The following CSMD2 variants were observed in gnomAD, a reference collection of about 807,000 sequenced individuals.
CSMD2 encodes the protein CUB and sushi domain-containing protein 2.
In CSMD2, 130 loss-of-function variants were observed where a neutral mutation model predicts 398.5. The observed-to-expected ratio is 0.33, with a 90% confidence interval of 0.28 to 0.38. CSMD2 has a LOEUF of 0.38. Among genes scored for constraint, CSMD2 ranks in the 10% least tolerant of loss-of-function variants. The pLI is 1.00. For synonymous variants in CSMD2, 1,828 were observed against 1,908.5 expected (o/e 0.96, Z 1.10); for missense variants, 3,829 against 4,764.9 (o/e 0.80, Z 5.78).
At chr1:33,523,239 C>A in intron 67 of CSMD2, 68 bp downstream of exon 67, 1 of 804,252 alleles carries the variant, frequency 1.2e-6, no homozygotes, top group Non-Finnish European at 2.1e-6. Flanking sequence ...GTTTGCACAC[C>A]CTTTTGTCCT....
chr1:33,975,344 T>C (rs1296094423), intron 3 of CSMD2, among the ~76,000 whole-genome samples: 1 of 151,932 alleles, frequency 6.6e-6, no homozygotes, highest in Non-Finnish European at 1.5e-5. Flanking sequence ...TGGGTTAGAG[T>C]ACAAACAGAC....
intron 3 of CSMD2, among the ~76,000 whole-genome samples, chr1:34,031,371 A>G (rs1220537963): frequency 1.3e-5 from 2 of 149,606 alleles, no homozygotes; most frequent in Non-Finnish European, 3.0e-5. Flanking sequence ...CTGAGATCTG[A>G]TCATTTTTTA....
At chr1:33,601,596 C>T (rs1004917693) in intron 43 of CSMD2, among the ~76,000 whole-genome samples, 2 of 152,200 alleles carry the variant, frequency 1.3e-5, no homozygotes, top group African/African-American at 4.8e-5. Context: ...CCCGATGATT[C>T]TCAGAATGGC....
chr1:33,820,588 A>AAC lies in CSMD2; in HGVS notation c.1112-33_1112-32insGT, dbSNP rs371046549. ...GGCAAAAAAAAAAAAAAAAAAAAAA[A>AAC]CAGCACACACAGAGATGGACAGTCA... On this transcript the variant is annotated intron_variant, in intron 7 of 70. Transcript: ENST00000373381. The AAC allele has an allele frequency of 2.5e-3, 2,334 of 916,994 alleles. 75 individuals carry two copies. Among genetic ancestry groups the AAC allele is most frequent in the South Asian group, 7.6e-3 (442 of 58,276 alleles). The allele number at this position is 916,994 out of a possible 1,614,324, so 56.8% of individuals were successfully genotyped here. A position where few individuals can be genotyped will look rare whatever the true frequency, so the allele number is the denominator to read the frequency against.
intron 3 of CSMD2, among the ~76,000 whole-genome samples, chr1:33,974,416 TAGGGACA>T (rs1645885379): frequency 6.6e-6 from 1 of 152,226 alleles, no homozygotes; most frequent in South Asian, 2.1e-4. Context: ...GGCCAAGCAC[TAGGGACA>T]CAGACATGAG....
intron 13 of CSMD2, among the ~76,000 whole-genome samples, chr1:33,758,325 A>T (rs1649330333): frequency 6.6e-6 from 1 of 152,212 alleles, no homozygotes; most frequent in Non-Finnish European, 1.5e-5. Context: ...TCAGGGCCTC[A>T]GCCACTCTTG....
intron 56 of CSMD2, 92 bp downstream of exon 56, chr1:33,550,085 T>A: frequency 7.7e-7 from 1 of 1,294,012 alleles, no homozygotes; most frequent in Non-Finnish European, 1.1e-6. Flanking sequence ...TTCCCTCCCA[T>A]CCATCAATCA....
At chr1:33,772,387 G>A (rs1163698713) in intron 13 of CSMD2, 182 bp downstream of exon 13, 3 of 577,566 alleles carry the variant, frequency 5.2e-6, no homozygotes, top group Non-Finnish European at 6.2e-6. Context: ...TGCTACAGTC[G>A]ACATTCCTGC....
At chr1:34,143,683 C>T (rs1639510605) in intron 1 of CSMD2, among the ~76,000 whole-genome samples, 1 of 152,100 alleles carries the variant, frequency 6.6e-6, no homozygotes, top group Admixed American at 6.5e-5. Flanking sequence ...AACATATACA[C>T]AGATGGGAGA....
intron 5 of CSMD2, among the ~76,000 whole-genome samples, chr1:33,879,176 G>T (rs1641057637): frequency 6.6e-6 from 1 of 152,228 alleles, no homozygotes; most frequent in Non-Finnish European, 1.5e-5. Flanking sequence ...AGTGACAATT[G>T]TCTCCAGCAG....
intron 1 of CSMD2, among the ~76,000 whole-genome samples, chr1:34,148,751 A>G (rs1238123433): frequency 6.6e-6 from 1 of 152,192 alleles, no homozygotes; most frequent in Non-Finnish European, 1.5e-5. Context: ...GCCAAGAATG[A>G]ACTAGGACGA....
intron 32 of CSMD2, among the ~76,000 whole-genome samples, chr1:33,626,921 G>A (rs930316685): frequency 2.6e-5 from 4 of 152,146 alleles, no homozygotes; most frequent in African/African-American, 7.2e-5. Context: ...TGTGTGGAGC[G>A]ACAGGGATGG....
intron 5 of CSMD2, among the ~76,000 whole-genome samples, chr1:33,900,215 G>A (rs1056548088): frequency 6.6e-6 from 1 of 152,200 alleles, no homozygotes; most frequent in Non-Finnish European, 1.5e-5. Flanking sequence ...GGCCTTGAGA[G>A]GGTCAGAAAG....
Position 33,614,494 on chromosome 1 carries a change from A to C in CSMD2, c.6133+10T>G. ...GAAGCCTGTCTCCTCTGGGGGCTGC[A>C]GAGACTTACCAAAGCCCACGGGCAG... On this transcript the variant is annotated intron_variant, in intron 40 of 70. Coordinates refer to ENST00000373381, the MANE Select transcript of CSMD2 (RefSeq NM_001281956.2). 1 of 1,484,768 alleles carries C rather than the reference A, an allele frequency of 6.7e-7. No individual in the cohort carries two copies. The highest frequency in any genetic ancestry group is 9.4e-7 in the Non-Finnish European group (1 of 1,062,242). 92.0% of individuals were successfully genotyped at this position (1,484,768 alleles called of 1,614,324 possible).
intron 15 of CSMD2, among the ~76,000 whole-genome samples, chr1:33,727,368 C>T (rs1646569746): frequency 6.6e-6 from 1 of 152,240 alleles, no homozygotes; most frequent in East Asian, 1.9e-4. Context: ...TGCCTCTGTC[C>T]ACATGTCCCA....
intron 9 of CSMD2, chr1:33,812,970 A>T (rs188523519): frequency 3.3e-5 from 5 of 152,310 alleles, no homozygotes; most frequent in Admixed American, 2.0e-4. Context: ...AAAATAAGAC[A>T]ATCAAAGCCC....
intron 1 of CSMD2, among the ~76,000 whole-genome samples, chr1:34,145,432 G>A (rs1639679177): frequency 6.6e-6 from 1 of 152,198 alleles, no homozygotes; most frequent in Non-Finnish European, 1.5e-5. Flanking sequence ...CTGCCTGGAG[G>A]GGTGGCTCTG....
At chr1:33,673,468 A>C (rs1571175202) in intron 25 of CSMD2, among the ~76,000 whole-genome samples, 1 of 152,240 alleles carries the variant, frequency 6.6e-6, no homozygotes, top group South Asian at 2.1e-4. Context: ...ATGTGAAAAG[A>C]CCAAATCTAC....
At chr1:33,583,156 C>T (rs901611785) in intron 47 of CSMD2, among the ~76,000 whole-genome samples, 1 of 152,220 alleles carries the variant, frequency 6.6e-6, no homozygotes, top group Non-Finnish European at 1.5e-5. Flanking sequence ...TTTCAAGATG[C>T]ATGTGCTCCA....
Sources: gnomAD v4.1 joint callset for allele counts (sites outside exome capture counted in the v4.1 genomes callset) on GRCh38, gnomAD v4.1.1 for gene constraint, MANE v1.5 for transcripts, NCBI Gene and HGNC (gene_info 2026-07-23, HGNC 2026-07-21) for gene names.